The following R3HCC1L variants were observed in gnomAD, a reference collection of about 807,000 sequenced individuals.
R3HCC1L encodes the protein coiled-coil domain-containing protein R3HCC1L.
R3HCC1L carries 51 observed loss-of-function variants against 59.9 expected under a neutral mutation model. That is an observed-to-expected ratio of 0.85 (90% confidence interval 0.68 to 1.07). The LOEUF is 1.07. Among genes scored for constraint, R3HCC1L ranks in the 50% least tolerant of loss-of-function variants. The probability of loss-of-function intolerance (pLI) is 0.00; values close to 1 mark genes in which losing one functional copy is unlikely to be tolerated. For missense variants in R3HCC1L, 965 were observed against 933.0 expected (o/e 1.03, Z -0.45); for synonymous variants, 322 against 315.2 (o/e 1.02, Z -0.23).
intron 4 of R3HCC1L, among the ~76,000 whole-genome samples, chr10:98,189,647 G>C (rs1289920937): frequency 6.6e-6 from 1 of 152,090 alleles, no homozygotes; most frequent in Non-Finnish European, 1.5e-5. Context: ...TCTCCAAGCA[G>C]ATACAGGAAT....
chr10:98,195,345 T>A (rs1851308192), intron 4 of R3HCC1L, among the ~76,000 whole-genome samples: 1 of 152,150 alleles, frequency 6.6e-6, no homozygotes, highest in Admixed American at 6.6e-5. Context: ...GTTTCAGTCA[T>A]GTCAGATGAG....
intron 1 of R3HCC1L, among the ~76,000 whole-genome samples, chr10:98,150,147 T>C (rs1046173931): frequency 1.3e-5 from 2 of 152,242 alleles, no homozygotes; most frequent in South Asian, 2.1e-4. Context: ...TGATTTCTTA[T>C]ACTATTTCAA....
intron 5 of R3HCC1L, among the ~76,000 whole-genome samples, chr10:98,225,852 T>G (rs749085667): frequency 2.1e-4 from 32 of 152,136 alleles, no homozygotes; most frequent in Non-Finnish European, 4.6e-4. Flanking sequence ...TGTAACTTTT[T>G]TTTTTGGTAC....
At chr10:98,221,693 A>C (rs1468313620) in intron 5 of R3HCC1L, among the ~76,000 whole-genome samples, 2 of 151,976 alleles carry the variant, frequency 1.3e-5, no homozygotes, top group African/African-American at 2.4e-5. Flanking sequence ...AGTTGTAGAT[A>C]TGCAGCGTTA....
chr10:98,192,175 T>C (rs1850934025), intron 4 of R3HCC1L, among the ~76,000 whole-genome samples: 1 of 151,998 alleles, frequency 6.6e-6, no homozygotes, highest in Admixed American at 6.6e-5. Context: ...TACTGTGTTA[T>C]TATATGAAAT....
intron 4 of R3HCC1L, among the ~76,000 whole-genome samples, chr10:98,197,521 C>A (rs1040632292): frequency 1.3e-5 from 2 of 152,114 alleles, no homozygotes; most frequent in Non-Finnish European, 2.9e-5. Flanking sequence ...ATTGTCTTCA[C>A]CAGTAAGTTC....
At chr10:98,211,381 T>A in intron 5 of R3HCC1L, 1 of 1,515,002 alleles carries the variant, frequency 6.6e-7, no homozygotes, top group Middle Eastern at 1.7e-4. Flanking sequence ...AGAATGTGAG[T>A]AGGGAACTGC....
intron 4 of R3HCC1L, among the ~76,000 whole-genome samples, chr10:98,176,791 G>A (rs1421516336): frequency 6.6e-6 from 1 of 152,014 alleles, no homozygotes; most frequent in Non-Finnish European, 1.5e-5. Flanking sequence ...GCATCTTACG[G>A]GGAGAGCATT....
intron 9 of R3HCC1L, among the ~76,000 whole-genome samples, chr10:98,243,319 G>A (rs1045129298): frequency 7.9e-5 from 12 of 152,088 alleles, no homozygotes; most frequent in Admixed American, 7.2e-4. Context: ...CCATTTTATG[G>A]TGTCAAGATA....
intron 4 of R3HCC1L, among the ~76,000 whole-genome samples, chr10:98,188,417 C>T (rs112159681): frequency 1.3e-5 from 2 of 152,174 alleles, no homozygotes; most frequent in African/African-American, 4.8e-5. Context: ...TTTAGAACTA[C>T]ATCTCAAAAG....
intron 4 of R3HCC1L, among the ~76,000 whole-genome samples, chr10:98,180,517 G>T (rs1849520795): frequency 6.6e-6 from 1 of 152,184 alleles, no homozygotes; most frequent in African/African-American, 2.4e-5. Context: ...ATGTGGTGCT[G>T]AGAAGAATGT....
Position 98,207,957 on chromosome 10 carries a change from A to C in R3HCC1L, c.-14-144A>C, listed in dbSNP as rs1852901495. The C allele has an allele frequency of 9.6e-6, 7 of 731,252 alleles. No individual in the cohort carries two copies. The East Asian group carries it at 1.9e-4, about 20-fold the overall frequency. The allele number at this position is 731,252 out of a possible 1,614,324, so 45.3% of individuals were successfully genotyped here. ...AAGGATCGCTTGAGCCTGGAAGGGC[A>C]GAGGTTACAGTGAGCTGAGATCGCT... is the stretch of plus-strand genomic sequence containing the variant. On this transcript the variant is annotated intron_variant, in intron 4 of 9. Coordinates refer to ENST00000298999, the MANE Select transcript of R3HCC1L (RefSeq NM_001351015.2).
intron 4 of R3HCC1L, among the ~76,000 whole-genome samples, chr10:98,184,790 C>T (rs1850053524): frequency 6.6e-6 from 1 of 152,110 alleles, no homozygotes; most frequent in Non-Finnish European, 1.5e-5. Flanking sequence ...CTTCTTTAAG[C>T]AGGGTAGATT....
intron 1 of R3HCC1L, 117 bp downstream of exon 1, chr10:98,134,823 T>G (rs2133769740): frequency 6.6e-6 from 1 of 152,382 alleles, no homozygotes; most frequent in African/African-American, 2.4e-5. Flanking sequence ...GCTGGTATTT[T>G]TTTTCCTCAT....
At chr10:98,153,265 A>G (rs1033794225) in intron 1 of R3HCC1L, among the ~76,000 whole-genome samples, 1 of 152,196 alleles carries the variant, frequency 6.6e-6, no homozygotes, top group Non-Finnish European at 1.5e-5. Context: ...GTTCTGTACT[A>G]AGAAAAATTC....
At chr10:98,235,692 G>T (rs977315649) in intron 8 of R3HCC1L, among the ~76,000 whole-genome samples, 172 bp downstream of exon 8, 2 of 152,180 alleles carry the variant, frequency 1.3e-5, no homozygotes, top group Non-Finnish European at 2.9e-5. Context: ...TTGGAAATAT[G>T]GCATCTGAGC....
In R3HCC1L at chr10:98,145,807, G is replaced by A. The variant is rs192968829; in HGVS notation, c.-267-10286G>A. 3.3e-5 allele frequency among the ~76,000 whole-genome samples: 5 copies of A among 152,112 alleles called. No homozygotes were observed. The East Asian group carries it at 9.7e-4, about 29-fold the overall frequency. ...GTACTAAGTATACAAAAATTAGGTGGGTGTGGTGGTGCATGCCTGTGATCC... is the reference window on the plus strand; with the variant it reads ...GTACTAAGTATACAAAAATTAGGTGAGTGTGGTGGTGCATGCCTGTGATCC... On this transcript the variant is annotated intron_variant, in intron 1 of 9. Transcript: ENST00000298999.
rs774762622 is a variant in R3HCC1L, at chr10:98,209,899, G to A, written c.1785G>A (p.Glu595=). 1 of 1,600,146 alleles carries A rather than the reference G, an allele frequency of 6.2e-7. No individual in the cohort carries two copies. The highest frequency in any genetic ancestry group is 1.3e-5 in the African/African-American group (1 of 74,328). The change falls in exon 5 of 10, where the codon GAG becomes GAA. Residue 595 remains glutamate (E), a splice_region_variant and synonymous_variant. Coordinates refer to ENST00000298999, the MANE Select transcript of R3HCC1L (RefSeq NM_001351015.2). The stretch of plus-strand genomic sequence containing the variant: ...GCCTGGATCCACGTCTTCTACAAGA[G>A]GTATGTTTAATTGAAATTGCTTGAT... ...GDCLDPRLLQ[E]LSGNTKSRES...
intron 9 of R3HCC1L, among the ~76,000 whole-genome samples, chr10:98,238,048 T>C (rs1261975753): frequency 6.6e-6 from 1 of 152,190 alleles, no homozygotes; most frequent in African/African-American, 2.4e-5. Context: ...CCATGAAGGA[T>C]ACTTAGTCAT....
Sources: allele counts gnomAD v4.1 joint callset (sites outside exome capture counted in the v4.1 genomes callset), GRCh38; gene constraint gnomAD v4.1.1; transcripts MANE v1.5; gene names NCBI Gene and HGNC (gene_info 2026-07-23, HGNC 2026-07-21).